PTPRF: variants seen among roughly 807,000 people sequenced by gnomAD.
The protein encoded by PTPRF is protein tyrosine phosphatase receptor type F, also known as receptor-type tyrosine-protein phosphatase F.
In PTPRF, 59 loss-of-function variants were observed where a neutral mutation model predicts 201.8. The observed-to-expected ratio is 0.29, with a 90% CI of 0.24 to 0.36. PTPRF has a LOEUF of 0.36. PTPRF is among the 10% of genes least tolerant of loss of function. PTPRF has a pLI of 1.00. For missense variants in PTPRF, 2,132 were observed against 2,690.5 expected (o/e 0.79, Z 4.59); for synonymous variants, 1,088 against 1,089.7 (o/e 1.00, Z 0.03).
chr1:43,581,215 A>T (rs1274330152), intron 7 of PTPRF, among the ~76,000 whole-genome samples: 1 of 152,056 alleles, frequency 6.6e-6, no homozygotes, highest in Non-Finnish European at 1.5e-5. Flanking sequence ...CCCAACCCCT[A>T]ACTCTACCAG....
chr1:43,583,231 G>A (rs529125411), intron 7 of PTPRF: 60 of 567,022 alleles, frequency 1.1e-4, no homozygotes, highest in Middle Eastern at 9.1e-4. Context: ...TGTTTGGGCC[G>A]GCGGGCAGGC....
chr1:43,610,113 C>T (rs1159120670), intron 22 of PTPRF, among the ~76,000 whole-genome samples: 3 of 152,152 alleles, frequency 2.0e-5, no homozygotes, highest in Non-Finnish European at 4.4e-5. Flanking sequence ...TTCTTGGCTC[C>T]AGGAACCTCC....
At position 43,612,879 on chromosome 1, in the gene PTPRF, A is replaced by G. The variant is rs540886218; in HGVS notation, c.3974-739A>G. On this transcript the variant is annotated intron_variant, in intron 22 of 33. Transcript: ENST00000359947. ...TCCACTCCTTACTTTTGTTTACCCC[A>G]TCGCCTCCATCCTTCCTTGAATTCT... 75 of 1,152,236 alleles carry G rather than the reference A, an allele frequency of 6.5e-5. No individual in the cohort carries two copies. The African/African-American group carries it at 9.3e-4, about 14-fold the overall frequency. The allele number at this position is 1,152,236 out of a possible 1,614,324, so 71.4% of individuals were successfully genotyped here.
chr1:43,599,735 G>A (rs923873072), intron 13 of PTPRF, among the ~76,000 whole-genome samples: 2 of 152,092 alleles, frequency 1.3e-5, no homozygotes, highest in African/African-American at 4.8e-5. Context: ...TGGAATGCTG[G>A]GGGGTTATGA....
At position 43,591,955 on chromosome 1, in the gene PTPRF, A is replaced by G. The variant is rs780589053; in HGVS notation, c.1668+7A>G. ...AGAGGACGAAGACCAACAGGTGTGCAGCGGGCAGAGAAGCACTGAGGGGGT... is the reference window on the plus strand; with the variant it reads ...AGAGGACGAAGACCAACAGGTGTGCGGCGGGCAGAGAAGCACTGAGGGGGT... On this transcript the variant is annotated splice_region_variant and intron_variant, in intron 10 of 33. Transcript: ENST00000359947. The G allele has an allele frequency of 6.2e-7, 1 of 1,613,488 alleles. No individual in the cohort carries two copies. The highest frequency in any genetic ancestry group is 8.5e-7 in the Non-Finnish European group (1 of 1,179,858).
At position 43,578,923 on chromosome 1, in the gene PTPRF, A is replaced by C; in HGVS notation, c.679+3A>C. The C allele has an allele frequency of 1.9e-6, 3 of 1,613,958 alleles. No homozygotes were observed. Among genetic ancestry groups the C allele is most frequent in the Non-Finnish European group, 2.5e-6 (3 of 1,179,850 alleles). ...CCCTGCGAACCTGTATGTGCGAGGT[A>C]AGGACTCAGGCAGTGCCTGGCCCCT... On this transcript the variant is annotated splice_donor_region_variant and intron_variant, in intron 7 of 33. Coordinates refer to ENST00000359947, the MANE Select transcript of PTPRF (RefSeq NM_002840.5).
intron 5 of PTPRF, among the ~76,000 whole-genome samples, chr1:43,564,623 T>C (rs1646033156): frequency 6.6e-6 from 1 of 152,174 alleles, no homozygotes. Flanking sequence ...TGGCTGTGCA[T>C]GTTTCTATGG....
In PTPRF at chr1:43,588,425, G is replaced by T. The variant is rs1167829981; in HGVS notation, c.680-306G>T. Among the ~76,000 whole-genome samples, 2 of 152,190 alleles carry T rather than the reference G, an allele frequency of 1.3e-5. No homozygotes were observed. The highest frequency in any genetic ancestry group is 2.9e-5 in the Non-Finnish European group (2 of 68,026). ...TTGTACTGAGTCCCTGTGTGACCCT[G>T]GGCAGACAGGACCTTCCTGACAGGC... On this transcript the variant is annotated intron_variant, in intron 7 of 33. Coordinates refer to ENST00000359947, the MANE Select transcript of PTPRF (RefSeq NM_002840.5). This position sits in a 1 kb window ranked among gnomAD's most constrained non-coding sequence, Gnocchi z 5.3.
intron 5 of PTPRF, among the ~76,000 whole-genome samples, chr1:43,568,906 A>G (rs1646372375): frequency 6.6e-6 from 1 of 152,068 alleles, no homozygotes; most frequent in African/African-American, 2.4e-5. Flanking sequence ...GCCTCCACAC[A>G]CTCAGGCATG....
At chr1:43,596,262 A>G (rs1020666448) in intron 11 of PTPRF, among the ~76,000 whole-genome samples, 7 of 152,020 alleles carry the variant, frequency 4.6e-5, no homozygotes, top group Admixed American at 6.5e-5. Flanking sequence ...GGGATGTGAG[A>G]GCCCGTGATT....
chr1:43,570,741 C>G (rs1047921611), intron 6 of PTPRF, among the ~76,000 whole-genome samples: 1 of 152,272 alleles, frequency 6.6e-6, no homozygotes, highest in African/African-American at 2.4e-5. Flanking sequence ...AGCTGCCCAG[C>G]AGGGCAAGAT....
chr1:43,607,057 A>C, intron 21 of PTPRF, 89 bp downstream of exon 21: 1 of 1,522,674 alleles, frequency 6.6e-7, no homozygotes, highest in Non-Finnish European at 8.9e-7. Context: ...GAGAGCGTGC[A>C]GCCTTGCATC....
chr1:43,602,279 A>G (rs937015879), intron 14 of PTPRF, among the ~76,000 whole-genome samples, 182 bp downstream of exon 14: 2 of 152,204 alleles, frequency 1.3e-5, no homozygotes, highest in Non-Finnish European at 2.9e-5. Flanking sequence ...CATTTCCTCT[A>G]ATCCTTACTT....
rs1425452818 is a variant in PTPRF, at chr1:43,548,343, G to A, written c.91+3177G>A. ...CTGGCTGGAGGGGTGGGTGGCGGGT[G>A]GGTTGACAGAGGTGGGCAGAGGCTG... is the stretch of plus-strand genomic sequence containing the variant. On this transcript the variant is annotated intron_variant, in intron 3 of 33. Transcript: ENST00000359947. Among the ~76,000 whole-genome samples, 3 of 151,904 alleles carry A rather than the reference G, an allele frequency of 2.0e-5. No homozygotes were observed. The East Asian group carries it at 5.8e-4, about 29-fold the overall frequency.
In PTPRF at chr1:43,605,421, G is replaced by T. The variant is rs1052346675; in HGVS notation, c.3367G>T (p.Val1123Leu). The change falls in exon 18 of 34, where the codon GTG becomes TTG. Residue 1123 changes from valine (V) to leucine (L), a missense_variant. Physicochemically the swap from Val to Leu is conservative, Grantham distance 32. This residue lies in a region of PTPRF where 818 missense variants were observed against 915.3 expected (regional missense o/e 0.89). Coordinates refer to ENST00000359947, the MANE Select transcript of PTPRF (RefSeq NM_002840.5). ...CCGCTTCGATCTCTCCATGCCCCAT[G>T]TGCAAGACCCCTCGCTTGTCAGGTG... Reference protein sequence around the residue: ...DGRFDLSMPHVQDPSLVRWFY... With the variant: ...DGRFDLSMPHLQDPSLVRWFY... 6.2e-7 allele frequency: 1 copy of T among 1,610,280 alleles called. No homozygotes were observed. The highest frequency in any genetic ancestry group is 8.5e-7 in the Non-Finnish European group (1 of 1,176,902).
At chr1:43,569,841 C>A in intron 6 of PTPRF, 63 bp downstream of exon 6, 2 of 1,511,254 alleles carry the variant, frequency 1.3e-6, no homozygotes, top group Non-Finnish European at 1.8e-6. Context: ...TGTCAGATCC[C>A]AGCACAGCCT....
intron 23 of PTPRF, among the ~76,000 whole-genome samples, chr1:43,616,013 T>C (rs907357874): frequency 2.6e-5 from 4 of 152,070 alleles, no homozygotes; most frequent in African/African-American, 9.7e-5. Context: ...AATATGTGAC[T>C]CTGACAGCAT....
intron 6 of PTPRF, among the ~76,000 whole-genome samples, chr1:43,572,862 C>A (rs1486344082): frequency 6.6e-6 from 1 of 152,104 alleles, no homozygotes; most frequent in African/African-American, 2.4e-5. Context: ...GAGATCACCT[C>A]AGGACCTAGT....
intron 7 of PTPRF, among the ~76,000 whole-genome samples, chr1:43,586,072 C>T (rs1403660738): frequency 6.6e-6 from 1 of 152,174 alleles, no homozygotes; most frequent in Non-Finnish European, 1.5e-5. Flanking sequence ...ATCACACAGA[C>T]CTACTCCTAC....
Sources: allele counts gnomAD v4.1 joint callset (sites outside exome capture counted in the v4.1 genomes callset), GRCh38; gene constraint gnomAD v4.1.1; regional missense constraint gnomAD v4.1.1; non-coding constraint Gnocchi (gnomAD v3.1); transcripts MANE v1.5; gene names NCBI Gene and HGNC (gene_info 2026-07-23, HGNC 2026-07-21).